SEMA3F: variants seen among roughly 807,000 people sequenced by gnomAD.
SEMA3F encodes semaphorin-3F.
In SEMA3F, 30 loss-of-function variants were observed where a neutral mutation model predicts 98.5. The ratio of observed to expected loss-of-function variants is 0.30; its 90% CI spans 0.23 to 0.41. The LOEUF is 0.41. SEMA3F is among the 10% of genes least tolerant of loss of function. SEMA3F has a pLI of 1.00. For missense variants in SEMA3F, 866 were observed against 1,119.3 expected, an observed-to-expected ratio of 0.77 and a Z score of 3.23; for synonymous variants, 380 against 444.8, an observed-to-expected ratio of 0.85 and a Z score of 1.83.
Position 50,175,115 on chromosome 3 carries a change from C to A in SEMA3F, c.476C>A (p.Thr159Asn). The change falls in exon 6 of 19, where the codon ACT (threonine) becomes AAT (asparagine). Residue 159 changes from threonine (T) to asparagine (N), a missense_variant. Physicochemically the swap from Thr to Asn is moderately conservative, Grantham distance 65 (BLOSUM62 0). Transcript: ENST00000002829. ...RRAQATPWTQ[T>N]QAVRGRGSRA... ...TCTCAGGCCACACCATGGACCCAGA[C>A]TCAGGCGGTCAGAGGCCGCGGCAGC... 1 of 1,611,722 alleles carries A rather than the reference C, an allele frequency of 6.2e-7. No homozygotes were observed. Among genetic ancestry groups the A allele is most frequent in the Non-Finnish European group, 8.5e-7 (1 of 1,179,234 alleles).
Position 50,182,237 on chromosome 3 carries a change from C to G in SEMA3F, c.644-47C>G. The G allele has an allele frequency of 6.2e-7, 1 of 1,613,460 alleles. No individual in the cohort carries two copies. Among genetic ancestry groups the G allele is most frequent in the Non-Finnish European group, 8.5e-7 (1 of 1,179,718 alleles). ...GGAAGTCATCTGAGCTGTGCCCTGG[C>G]CCTAGCAAACAGCAGCCCCCCAACT... is the stretch of plus-strand genomic sequence containing the variant. On this transcript the variant is annotated intron_variant, in intron 7 of 18. Coordinates refer to ENST00000002829, the MANE Select transcript of SEMA3F (RefSeq NM_004186.5). This position sits in a 1 kb window ranked among gnomAD's most constrained non-coding sequence, Gnocchi z 4.5.
chr3:50,169,950 C>T (rs1698539445), intron 2 of SEMA3F, among the ~76,000 whole-genome samples: 1 of 152,154 alleles, frequency 6.6e-6, no homozygotes, highest in Non-Finnish European at 1.5e-5. Context: ...CTGACTCAGG[C>T]TGCTTGGAGG....
At position 50,182,348 on chromosome 3, in the gene SEMA3F, A is replaced by G; in HGVS notation, c.708A>G (p.Thr236=). 1.2e-6 allele frequency: 2 copies of G among 1,614,092 alleles called. No homozygotes were observed. Among genetic ancestry groups the G allele is most frequent in the Middle Eastern group, 3.3e-4 (2 of 6,062 alleles). ...GCACTGATGCAGCCATCTTCCGCACACTTGGAAAGCAGACAGCCATGCGCA... is the reference window on the plus strand; with the variant it reads ...GCACTGATGCAGCCATCTTCCGCACGCTTGGAAAGCAGACAGCCATGCGCA... The part of the protein sequence containing the change: ...FMGTDAAIFR[T]LGKQTAMRTD... The change falls in exon 8 of 19, where the codon ACA becomes ACG. Residue 236 remains threonine (T), a synonymous_variant. Coordinates refer to ENST00000002829, the MANE Select transcript of SEMA3F (RefSeq NM_004186.5). This position sits in a 1 kb window ranked among gnomAD's most constrained non-coding sequence, Gnocchi z 4.5.
At position 50,187,915 on chromosome 3, in the gene SEMA3F, G is replaced by A. The variant is rs779644860; in HGVS notation, c.2158G>A (p.Ala720Thr). 54 of 1,607,226 alleles carry A rather than the reference G, an allele frequency of 3.4e-5. No homozygotes were observed. In the East Asian group the frequency reaches 3.6e-4, roughly 11 times the overall value. Residue 720 changes from alanine (A) to threonine (T), a missense_variant, in exon 19 of 19, where the codon GCA (alanine) becomes ACA (threonine). This residue lies in a region of SEMA3F where 245 missense variants were observed against 260.5 expected (regional missense o/e 0.94). Transcript: ENST00000002829. ...LSMSAPPPPG[A>T]GPPTPPYQEL... ...CATGAGCGCCCCGCCACCCCCAGGC[G>A]CAGGCCCCCCAACGCCTCCTTACCA...
chr3:50,188,039 C>A lies in SEMA3F; in HGVS notation c.2282C>A (p.Pro761Gln), dbSNP rs372964942. 3 of 1,593,886 alleles carry A rather than the reference C, an allele frequency of 1.9e-6. No individual in the cohort carries two copies. The highest frequency in any genetic ancestry group is 2.6e-6 in the Non-Finnish European group (3 of 1,170,474). ...RHVPPSPREA[P>Q]GAPRSPEPQD... The stretch of plus-strand genomic sequence containing the variant: ...GTGCCCCCCAGCCCCAGGGAGGCTC[C>A]AGGGGCACCCCGGTCTCCTGAGCCC... The change falls in exon 19 of 19, where the codon CCA becomes CAA. Residue 761 changes from proline to glutamine, a missense_variant. Physicochemically the swap from Pro to Gln is moderately conservative, Grantham distance 76 (BLOSUM62 -1). Coordinates refer to ENST00000002829, the MANE Select transcript of SEMA3F (RefSeq NM_004186.5). This position sits in a 1 kb window ranked among gnomAD's most constrained non-coding sequence, Gnocchi z 4.5.
Position 50,186,731 on chromosome 3 carries a change from T to A in SEMA3F, c.1932T>A (p.Gly644=). The part of the protein sequence containing the change: ...TVKWLFQRDP[G]DRRREIRAED... ...AGTGGCTGTTCCAGCGAGATCCTGG[T>A]GACCGGCGCCGAGAGGTGAGTTCCT... is the stretch of plus-strand genomic sequence containing the variant. The change falls in exon 18 of 19, where the codon GGT becomes GGA. Residue 644 remains glycine, a synonymous_variant. Transcript: ENST00000002829. 6.2e-7 allele frequency: 1 copy of A among 1,603,214 alleles called. No individual in the cohort carries two copies. Among genetic ancestry groups the A allele is most frequent in the Non-Finnish European group, 8.5e-7 (1 of 1,171,438 alleles).
chr3:50,171,336 G>C (rs1325327750), intron 2 of SEMA3F, among the ~76,000 whole-genome samples: 2 of 152,240 alleles, frequency 1.3e-5, no homozygotes, highest in Middle Eastern at 3.4e-3. Context: ...CTTGGGCCTC[G>C]GGCTCTGGGA....
chr3:50,180,870 C>T (rs1698988268), intron 7 of SEMA3F, among the ~76,000 whole-genome samples: 1 of 152,054 alleles, frequency 6.6e-6, no homozygotes, highest in South Asian at 2.1e-4. Flanking sequence ...AGTTCGAGAC[C>T]AGCCTGGCCA....
chr3:50,169,683 G>C (rs1461439130), intron 2 of SEMA3F, among the ~76,000 whole-genome samples: 1 of 152,218 alleles, frequency 6.6e-6, no homozygotes, highest in Non-Finnish European at 1.5e-5. Context: ...CATGGCATTC[G>C]AGGAGGCATG....
intron 2 of SEMA3F, among the ~76,000 whole-genome samples, chr3:50,165,640 T>C (rs1698376896): frequency 1.3e-5 from 2 of 152,188 alleles, no homozygotes; most frequent in Non-Finnish European, 2.9e-5. Context: ...CCTGGGAGCT[T>C]TGGAGAAGCA....
intron 6 of SEMA3F, 34 bp from the exon 7 acceptor site, chr3:50,176,734 C>A: frequency 6.7e-7 from 1 of 1,499,678 alleles, no homozygotes; most frequent in Non-Finnish European, 9.3e-7. Context: ...GGGGGACTGG[C>A]CTGGACGATG....
At position 50,182,476 on chromosome 3, in the gene SEMA3F, T is replaced by G. The variant is rs909492515; in HGVS notation, c.763+73T>G. The G allele has an allele frequency of 6.2e-6, 10 of 1,601,590 alleles. No individual in the cohort carries two copies. In the Admixed American group the frequency reaches 1.0e-4, roughly 16 times the overall value. On this transcript the variant is annotated intron_variant, in intron 8 of 18. Coordinates refer to ENST00000002829, the MANE Select transcript of SEMA3F (RefSeq NM_004186.5). The surrounding 1 kb of genome is among the most constrained non-coding windows in gnomAD (Gnocchi z 4.5). ...GGCAAGGAGGTCGTAAAGAAGCACA[T>G]GTGGGGGAAGTGGGGACATGTTTAG... is the stretch of plus-strand genomic sequence containing the variant.
chr3:50,175,160 T>C lies in SEMA3F; in HGVS notation c.521T>C (p.Leu174Pro), dbSNP rs1429219114. Residue 174 changes from leucine to proline, a missense_variant, in exon 6 of 19, where the codon CTC becomes CCC. By Grantham distance (98) the Leu-to-Pro change is moderately conservative (BLOSUM62 -3). Around this residue, in one of 3 missense-constraint regions of SEMA3F, gnomAD observed 247 missense variants for 276.0 expected, o/e 0.89. Transcript: ENST00000002829. ...GGCAGCAGAGCCACGGATGGTGCCC[T>C]CCGCCCGATGCCCACAGCCCCACGC... ...GRGSRATDGA[L>P]RPMPTAPRQD... 3.1e-6 allele frequency: 5 copies of C among 1,605,888 alleles called. No individual in the cohort carries two copies. Among genetic ancestry groups the C allele is most frequent in the Non-Finnish European group, 3.4e-6 (4 of 1,176,868 alleles).
At position 50,183,033 on chromosome 3, in the gene SEMA3F, G is replaced by C; in HGVS notation, c.1018+15G>C. 1 of 1,606,772 alleles carries C rather than the reference G, an allele frequency of 6.2e-7. No individual in the cohort carries two copies. Among genetic ancestry groups the C allele is most frequent in the Non-Finnish European group, 8.5e-7 (1 of 1,173,726 alleles). On this transcript the variant is annotated intron_variant, in intron 10 of 18. Coordinates refer to ENST00000002829, the MANE Select transcript of SEMA3F (RefSeq NM_004186.5). The stretch of plus-strand genomic sequence containing the variant: ...TGATGAGCTCCGTGAGTGCCCAGCA[G>C]GCAGGCAGGGTGCTCTGGCTACAGC...
At position 50,187,830 on chromosome 3, in the gene SEMA3F, A is replaced by C. The variant is rs751862869; in HGVS notation, c.2073A>C (p.Arg691=). The change falls in exon 19 of 19, where the codon CGA becomes CGC. Residue 691 remains arginine (R), a synonymous_variant. Transcript: ENST00000002829. ...TENNFKHVVT[R]VQLHVLGRDA... ...ACAACTTTAAGCACGTCGTCACACG[A>C]GTGCAGCTGCATGTACTGGGCCGGG... The C allele has an allele frequency of 2.5e-6, 4 of 1,613,338 alleles. No homozygotes were observed. The highest frequency in any genetic ancestry group is 1.3e-5 in the African/African-American group (1 of 74,906).
In SEMA3F at chr3:50,168,113, G is replaced by T. The variant is rs148502757; in HGVS notation, c.113-5680G>T. On this transcript the variant is annotated intron_variant, in intron 2 of 18. Coordinates refer to ENST00000002829, the MANE Select transcript of SEMA3F (RefSeq NM_004186.5). ...GCACCAACCTGGCTCACCTACCTGGGGGGAAGCGGGGGTTGGTGTGGATGG... is the reference window on the plus strand; with the variant it reads ...GCACCAACCTGGCTCACCTACCTGGTGGGAAGCGGGGGTTGGTGTGGATGG... Among the ~76,000 whole-genome samples, 12 of 152,302 alleles carry T rather than the reference G, an allele frequency of 7.9e-5. No homozygotes were observed. In the East Asian group the frequency reaches 2.3e-3, roughly 29 times the overall value.
intron 5 of SEMA3F, 22 bp from the exon 6 acceptor site, chr3:50,175,074 C>G (rs749127108): frequency 7.0e-7 from 1 of 1,420,436 alleles, no homozygotes; most frequent in Non-Finnish European, 9.8e-7. Flanking sequence ...CCAGCTCTAA[C>G]CCCTGTTCCT....
chr3:50,176,757 C>G lies in SEMA3F; in HGVS notation c.550-11C>G. 1 of 1,603,160 alleles carries G rather than the reference C, an allele frequency of 6.2e-7. No homozygotes were observed. Among genetic ancestry groups the G allele is most frequent in the Non-Finnish European group, 8.5e-7 (1 of 1,171,314 alleles). Reference sequence around the variant, plus strand: ...GGCCTGGACGATGCTGAGCCCCGCTCTGCCTTACAGGATTACATCTTCTAC... The same window carrying G: ...GGCCTGGACGATGCTGAGCCCCGCTGTGCCTTACAGGATTACATCTTCTAC... On this transcript the variant is annotated splice_polypyrimidine_tract_variant and intron_variant, in intron 6 of 18. Transcript: ENST00000002829.
Position 50,182,503 on chromosome 3 carries a change from C to T in SEMA3F, c.763+100C>T. Reference sequence around the variant, plus strand: ...TGGGGGAAGTGGGGACATGTTTAGCCTATGACTACCTGGGGCAGGGGTAGT... The same window carrying T: ...TGGGGGAAGTGGGGACATGTTTAGCTTATGACTACCTGGGGCAGGGGTAGT... On this transcript the variant is annotated intron_variant, in intron 8 of 18. Coordinates refer to ENST00000002829, the MANE Select transcript of SEMA3F (RefSeq NM_004186.5). The surrounding 1 kb of genome is among the most constrained non-coding windows in gnomAD (Gnocchi z 4.5). 1 of 1,581,928 alleles carries T rather than the reference C, an allele frequency of 6.3e-7. No homozygotes were observed. The highest frequency in any genetic ancestry group is 8.6e-7 in the Non-Finnish European group (1 of 1,159,350).
Sources: allele counts gnomAD v4.1 joint callset (sites outside exome capture counted in the v4.1 genomes callset), GRCh38; gene constraint gnomAD v4.1.1; regional missense constraint gnomAD v4.1.1; non-coding constraint Gnocchi (gnomAD v3.1); transcripts MANE v1.5; gene names NCBI Gene and HGNC (gene_info 2026-07-23, HGNC 2026-07-21).